PTPRT: variants seen among roughly 807,000 people sequenced by gnomAD.
The protein encoded by PTPRT is protein tyrosine phosphatase receptor type T.
Under a neutral mutation model 176.8 loss-of-function variants are expected in PTPRT, and 56 were observed. The observed-to-expected ratio is 0.32, with a 90% CI of 0.26 to 0.40. The LOEUF (loss-of-function observed/expected upper bound fraction) is 0.40. Ranked by LOEUF, PTPRT falls within the 10% of genes least tolerant of loss-of-function variation. The pLI is 1.00. For synonymous variants in PTPRT, 783 were observed against 739.0 expected, an observed-to-expected ratio of 1.06 and a Z score of -0.96; for missense variants, 1,540 against 1,908.2, an observed-to-expected ratio of 0.81 and a Z score of 3.60.
In PTPRT at chr20:42,577,650, C is replaced by G. The variant is rs1440919233; in HGVS notation, c.1153+100216G>C. Among the ~76,000 whole-genome samples, 3 of 152,286 alleles carry G rather than the reference C, an allele frequency of 2.0e-5. No individual in the cohort carries two copies. In the East Asian group the frequency reaches 5.8e-4, roughly 29 times the overall value. Reference sequence around the variant, plus strand: ...TAACGGTGACTGCCTAGACTGCTTTCTCCATCTAGTTCGGCCACCACAGAG... The same window carrying G: ...TAACGGTGACTGCCTAGACTGCTTTGTCCATCTAGTTCGGCCACCACAGAG... On this transcript the variant is annotated intron_variant, in intron 7 of 30. Transcript: ENST00000373187.
At chr20:42,037,483 C>G in the PTPRT span, among the ~76,000 whole-genome samples, 1 of 152,220 alleles carries the variant, frequency 6.6e-6, no homozygotes. Context: ...AAACTATGGT[C>G]TGACCACACT....
intron 7 of PTPRT, among the ~76,000 whole-genome samples, chr20:42,509,613 A>G (rs1252045016): frequency 6.7e-6 from 1 of 149,154 alleles, no homozygotes; most frequent in Non-Finnish European, 1.5e-5. Flanking sequence ...AATGCCCGAT[A>G]TAGAATTGGC....
rs575951207 is a variant in PTPRT at position 42,662,382 on chromosome 20, G to A, written c.1153+15484C>T. On this transcript the variant is annotated intron_variant, in intron 7 of 30. Transcript: ENST00000373187. Reference sequence around the variant, plus strand: ...CTGGGTCCAGAGCAGGACTCTAATCGGACTCAGTAGGCCCCAACCTCAGCT... The same window carrying A: ...CTGGGTCCAGAGCAGGACTCTAATCAGACTCAGTAGGCCCCAACCTCAGCT... 1.2e-4 allele frequency among the ~76,000 whole-genome samples: 18 copies of A among 152,010 alleles called. No homozygotes were observed. In the East Asian group the frequency reaches 2.7e-3, roughly 23 times the overall value.
chr20:42,032,920 G>A, the PTPRT span, among the ~76,000 whole-genome samples: 1 of 152,162 alleles, frequency 6.6e-6, no homozygotes, highest in African/African-American at 2.4e-5. Flanking sequence ...AATGAGCTTG[G>A]ATGTAGAGCC....
chr20:42,218,995 T>G (rs1456311535), intron 15 of PTPRT, among the ~76,000 whole-genome samples: 5 of 152,226 alleles, frequency 3.3e-5, no homozygotes, highest in African/African-American at 1.2e-4. Context: ...ATGGTCTTTA[T>G]GCAACGTGAG....
intron 7 of PTPRT, among the ~76,000 whole-genome samples, chr20:42,545,450 C>G (rs1004479564): frequency 6.6e-6 from 1 of 152,104 alleles, no homozygotes; most frequent in Non-Finnish European, 1.5e-5. Flanking sequence ...TTTTTGCACT[C>G]AATGCACACC....
chr20:42,935,571 G>C (rs921333546), intron 1 of PTPRT, among the ~76,000 whole-genome samples: 11 of 152,176 alleles, frequency 7.2e-5, no homozygotes, highest in African/African-American at 2.7e-4. Flanking sequence ...CCACAGAAAG[G>C]CTTCAGAAAA....
intron 7 of PTPRT, among the ~76,000 whole-genome samples, chr20:42,491,805 A>T (rs1157949557): frequency 1.3e-5 from 2 of 152,122 alleles, no homozygotes; most frequent in Non-Finnish European, 2.9e-5. Context: ...AGACTAAGAC[A>T]CTTATGCTAT....
At chr20:42,412,805 C>T (rs1221292214) in intron 9 of PTPRT, among the ~76,000 whole-genome samples, 1 of 152,176 alleles carries the variant, frequency 6.6e-6, no homozygotes, top group East Asian at 1.9e-4. Flanking sequence ...AAGCTGCATC[C>T]TGTGGGATAT....
At chr20:42,124,424 A>G (rs1436382600) in intron 19 of PTPRT, among the ~76,000 whole-genome samples, 3 of 152,222 alleles carry the variant, frequency 2.0e-5, no homozygotes, top group Admixed American at 6.5e-5. Flanking sequence ...CTGGTAATTC[A>G]TAACAGATTT....
intron 20 of PTPRT, among the ~76,000 whole-genome samples, 168 bp downstream of exon 20, chr20:42,119,767 C>T (rs1568948861): frequency 6.6e-6 from 1 of 152,210 alleles, no homozygotes; most frequent in Admixed American, 6.5e-5. Flanking sequence ...CCCTCCGTGG[C>T]TTCTTTGCTG....
At chr20:42,596,488 A>C (rs1162307806) in intron 7 of PTPRT, among the ~76,000 whole-genome samples, 1 of 152,218 alleles carries the variant, frequency 6.6e-6, no homozygotes, top group Admixed American at 6.5e-5. Flanking sequence ...GAAAACGCTC[A>C]TATCCCTCCT....
chr20:42,931,033 A>G (rs573416453), intron 1 of PTPRT, among the ~76,000 whole-genome samples: 49 of 152,140 alleles, frequency 3.2e-4, no homozygotes, highest in African/African-American at 1.2e-3. Flanking sequence ...CTTAGCCACC[A>G]CCACCACCAC....
At chr20:42,809,075 A>G (rs1165930408) in intron 2 of PTPRT, among the ~76,000 whole-genome samples, 1 of 152,190 alleles carries the variant, frequency 6.6e-6, no homozygotes, top group East Asian at 1.9e-4. Context: ...CTGTGCATCA[A>G]CAAGCAATAT....
At chr20:42,034,283 C>A in the PTPRT span, among the ~76,000 whole-genome samples, 1 of 152,128 alleles carries the variant, frequency 6.6e-6, no homozygotes, top group Non-Finnish European at 1.5e-5. Context: ...GGCCTCAGTT[C>A]CCTGCTGGAT....
At chr20:42,728,652 G>C (rs955588271) in intron 6 of PTPRT, among the ~76,000 whole-genome samples, 6 of 152,100 alleles carry the variant, frequency 3.9e-5, no homozygotes, top group Non-Finnish European at 8.8e-5. Context: ...AGCTGATGAG[G>C]AAACAGGGGC....
intron 1 of PTPRT, among the ~76,000 whole-genome samples, chr20:42,910,326 G>A (rs183329586): frequency 1.5e-4 from 23 of 152,234 alleles, no homozygotes; most frequent in Admixed American, 2.6e-4. Flanking sequence ...GAGCTGTGCC[G>A]CGGTTGGCCA....
chr20:42,523,340 T>G (rs2072211095), intron 7 of PTPRT, among the ~76,000 whole-genome samples: 2 of 152,208 alleles, frequency 1.3e-5, no homozygotes, highest in Non-Finnish European at 2.9e-5. Context: ...GTGATTTAGT[T>G]TTGCCTTGAA....
At chr20:42,353,293 C>A (rs1420573603) in intron 9 of PTPRT, among the ~76,000 whole-genome samples, 2 of 152,204 alleles carry the variant, frequency 1.3e-5, no homozygotes, top group South Asian at 2.1e-4. Flanking sequence ...CTGACTGGTG[C>A]TTTCTCGTGC....
Sources: allele counts gnomAD v4.1 joint callset (sites outside exome capture counted in the v4.1 genomes callset), GRCh38; gene constraint gnomAD v4.1.1; transcripts MANE v1.5; gene names NCBI Gene and HGNC (gene_info 2026-07-23, HGNC 2026-07-21).